DCC: variants seen among roughly 807,000 people sequenced by gnomAD.
DCC encodes the protein netrin receptor DCC.
DCC carries 58 observed loss-of-function variants against 172.5 expected under a neutral mutation model. The observed-to-expected ratio is 0.34, with a 90% CI of 0.27 to 0.42. DCC has a LOEUF of 0.42. Ranked by LOEUF, DCC falls within the 10% of genes least tolerant of loss-of-function variation. The pLI is 1.00. For synonymous variants in DCC, 709 were observed against 644.5 expected (o/e 1.10, Z -1.52); for missense variants, 1,740 against 1,791.0 (o/e 0.97, Z 0.51).
chr18:52,487,810 C>CAAAAAAAAAAAAAAAAAAAA (rs5824940), intron 1 of DCC, among the ~76,000 whole-genome samples: 2 of 74,400 alleles, frequency 2.7e-5, no homozygotes, highest in East Asian at 1.0e-3. Flanking sequence ...GACTCCACCT[C>CAAAAAAAAAAAAAAAAAAAA]AAAAAAAAAA....
chr18:52,700,390 T>C (rs1235851834), intron 1 of DCC, among the ~76,000 whole-genome samples: 1 of 150,162 alleles, frequency 6.7e-6, no homozygotes, highest in South Asian at 2.1e-4. Context: ...TGCACACTCA[T>C]GCACATGCAC....
intron 12 of DCC, among the ~76,000 whole-genome samples, chr18:53,260,423 T>C (rs1404290500): frequency 1.3e-5 from 2 of 152,188 alleles, no homozygotes; most frequent in Non-Finnish European, 2.9e-5. Context: ...CTTCTAACAG[T>C]CAGGACCCTC....
intron 1 of DCC, among the ~76,000 whole-genome samples, chr18:52,651,650 C>G (rs2035133552): frequency 6.6e-6 from 1 of 151,888 alleles, no homozygotes; most frequent in Admixed American, 6.6e-5. Context: ...AATAATAAAG[C>G]AAGTTTAAAC....
intron 1 of DCC, among the ~76,000 whole-genome samples, chr18:52,491,290 A>C (rs1027995206): frequency 6.6e-6 from 1 of 152,100 alleles, no homozygotes; most frequent in African/African-American, 2.4e-5. Flanking sequence ...TGGAATTTGC[A>C]GTCTAATGGA....
chr18:53,062,950 CT>C (rs1273032978), intron 5 of DCC, among the ~76,000 whole-genome samples: 1 of 152,066 alleles, frequency 6.6e-6, no homozygotes, highest in Non-Finnish European at 1.5e-5. Flanking sequence ...CCTTTCTTTA[CT>C]TTATCAGAAT....
intron 27 of DCC, among the ~76,000 whole-genome samples, chr18:53,513,902 A>C (rs1299063916): frequency 1.3e-5 from 2 of 151,246 alleles, no homozygotes; most frequent in Non-Finnish European, 2.9e-5. Context: ...TAGACAGATC[A>C]ACAAGACAGA....
intron 1 of DCC, among the ~76,000 whole-genome samples, chr18:52,483,269 G>A (rs1311084990): frequency 2.0e-5 from 3 of 152,126 alleles, no homozygotes; most frequent in Middle Eastern, 3.4e-3. Context: ...AAATAAGATC[G>A]CTTTCACAGG....
At chr18:53,330,074 C>T (rs1358431493) in intron 14 of DCC, among the ~76,000 whole-genome samples, 1 of 152,106 alleles carries the variant, frequency 6.6e-6, no homozygotes, top group Non-Finnish European at 1.5e-5. Context: ...GAACTGAAGG[C>T]AAAGGAGGGT....
At chr18:53,502,055 G>T (rs1320900215) in intron 27 of DCC, among the ~76,000 whole-genome samples, 1 of 152,074 alleles carries the variant, frequency 6.6e-6, no homozygotes, top group African/African-American at 2.4e-5. Context: ...ACCATTCTCT[G>T]ATCTAATGGC....
intron 12 of DCC, among the ~76,000 whole-genome samples, chr18:53,293,413 T>G (rs748411444): frequency 6.6e-6 from 1 of 152,212 alleles, no homozygotes; most frequent in African/African-American, 2.4e-5. Flanking sequence ...CATCTGTGCC[T>G]AGGATCTGAG....
intron 12 of DCC, among the ~76,000 whole-genome samples, chr18:53,278,728 G>C (rs892109461): frequency 7.2e-5 from 11 of 152,058 alleles, no homozygotes; most frequent in Admixed American, 7.2e-4. Flanking sequence ...TTTGAAACAG[G>C]GTTGATCATG....
At chr18:53,499,107 G>A (rs988516863) in intron 26 of DCC, among the ~76,000 whole-genome samples, 191 bp from the exon 27 acceptor site, 4 of 152,094 alleles carry the variant, frequency 2.6e-5, no homozygotes, top group Non-Finnish European at 4.4e-5. Flanking sequence ...TATTTCTATT[G>A]TTTAAAGGGG....
chr18:53,343,172 C>T (rs991617303), intron 15 of DCC, among the ~76,000 whole-genome samples: 1 of 151,590 alleles, frequency 6.6e-6, no homozygotes, highest in Admixed American at 6.6e-5. Flanking sequence ...TTTCTGTTGC[C>T]TTATTTCAGT....
chr18:53,165,213 C>A (rs2054898788), intron 8 of DCC, among the ~76,000 whole-genome samples: 1 of 152,184 alleles, frequency 6.6e-6, no homozygotes, highest in Non-Finnish European at 1.5e-5. Context: ...CAAGGTCACA[C>A]ACTGTTTTGT....
At chr18:53,508,304 C>T (rs1045058612) in intron 27 of DCC, among the ~76,000 whole-genome samples, 14 of 151,498 alleles carry the variant, frequency 9.2e-5, no homozygotes, top group African/African-American at 3.2e-4. Flanking sequence ...GTTATCCTCT[C>T]GCCTCAGCTT....
chr18:53,510,502 CA>C (rs1331609908), intron 27 of DCC, among the ~76,000 whole-genome samples: 3 of 152,040 alleles, frequency 2.0e-5, no homozygotes, highest in Non-Finnish European at 1.5e-5. Context: ...TGCCGTAAGT[CA>C]AAAGAGTATG....
At chr18:53,299,544 A>T (rs1054085415) in intron 12 of DCC, among the ~76,000 whole-genome samples, 1 of 152,208 alleles carries the variant, frequency 6.6e-6, no homozygotes, top group Non-Finnish European at 1.5e-5. Flanking sequence ...CCTTTTGGTC[A>T]TATGACATAG....
chr18:53,054,444 A>G (rs927747739), intron 5 of DCC, among the ~76,000 whole-genome samples: 1 of 152,160 alleles, frequency 6.6e-6, no homozygotes, highest in Non-Finnish European at 1.5e-5. Context: ...TCAATAGCAC[A>G]TGAATTATTT....
rs533823068 is a variant in DCC, at chr18:53,207,674, T to C, written c.1723-5T>C. The C allele has an allele frequency of 3.7e-6, 6 of 1,613,402 alleles. No individual in the cohort carries two copies. The African/African-American group carries it at 8.0e-5, about 22-fold the overall frequency. On this transcript the variant is annotated splice_region_variant and splice_polypyrimidine_tract_variant and intron_variant, in intron 10 of 28. Coordinates refer to ENST00000442544, the MANE Select transcript of DCC (RefSeq NM_005215.4). ...GATAACAGTTTTGGTGTTTTATGTC[T>C]CCAGAATATAGAGGTTGATGGACTA...
Sources: gnomAD v4.1 joint callset for allele counts (sites outside exome capture counted in the v4.1 genomes callset) on GRCh38, gnomAD v4.1.1 for gene constraint, MANE v1.5 for transcripts, NCBI Gene and HGNC (gene_info 2026-07-23, HGNC 2026-07-21) for gene names.